Variants in SPAG16 observed in about 807,000 individuals in gnomAD.
SPAG16 encodes sperm associated antigen 16.
SPAG16 carries 86 observed loss-of-function variants against 80.4 expected under a neutral mutation model. The observed-to-expected ratio is 1.07, with a 90% confidence interval of 0.90 to 1.28. The LOEUF is 1.28. Among genes scored for constraint, SPAG16 ranks in the 50% most tolerant of loss-of-function variants. The pLI is 0.00. For synonymous variants in SPAG16, 294 were observed against 265.9 expected (o/e 1.11, Z -1.03); for missense variants, 870 against 765.3 (o/e 1.14, Z -1.61).
At chr2:214,177,971 G>GTATATATATATATATA (rs34460783) in intron 15 of SPAG16, among the ~76,000 whole-genome samples, 1 of 59,352 alleles carries the variant, frequency 1.7e-5, no homozygotes, top group Non-Finnish European at 3.2e-5. Flanking sequence ...CAAAGTGTAT[G>GTATATATATATATATA]TATATATATA....
chr2:213,389,809 G>T (rs1287495557), intron 9 of SPAG16, among the ~76,000 whole-genome samples: 1 of 152,064 alleles, frequency 6.6e-6, no homozygotes, highest in Non-Finnish European at 1.5e-5. Context: ...TAGTCACTAT[G>T]GGAAAACAGT....
chr2:214,009,664 T>C lies in SPAG16; in HGVS notation c.1401-4287T>C, dbSNP rs118125176. ...ATAGAGCCTGTGATGCTACGGGTAT[T>C]GCAACATACTACATACATCTGTACT... is the stretch of plus-strand genomic sequence containing the variant. On this transcript the variant is annotated intron_variant, in intron 12 of 15. Coordinates refer to ENST00000331683, the MANE Select transcript of SPAG16 (RefSeq NM_024532.5). Among the ~76,000 whole-genome samples the C allele has an allele frequency of 1.7e-4, 26 of 152,296 alleles. No individual in the cohort carries two copies. In the East Asian group the frequency reaches 4.2e-3, roughly 25 times the overall value.
intron 15 of SPAG16, among the ~76,000 whole-genome samples, chr2:214,388,956 G>A (rs920020959): frequency 6.6e-6 from 1 of 152,090 alleles, no homozygotes; most frequent in Admixed American, 6.5e-5. Context: ...AAGCGAGAAC[G>A]TAAAAGCTCA....
At chr2:214,386,632 C>CAGAT (rs1193515893) in intron 15 of SPAG16, among the ~76,000 whole-genome samples, 4 of 152,014 alleles carry the variant, frequency 2.6e-5, no homozygotes, top group East Asian at 1.9e-4. Context: ...GAGGCTGCGG[C>CAGAT]AGATAGAGCA....
At chr2:213,370,001 G>T (rs1245664659) in intron 8 of SPAG16, among the ~76,000 whole-genome samples, 1 of 152,184 alleles carries the variant, frequency 6.6e-6, no homozygotes, top group Admixed American at 6.5e-5. Flanking sequence ...ACATTATAGT[G>T]TCATACAGAG....
intron 10 of SPAG16, among the ~76,000 whole-genome samples, chr2:213,858,052 T>C (rs985052956): frequency 1.3e-5 from 2 of 152,210 alleles, no homozygotes; most frequent in East Asian, 3.8e-4. Flanking sequence ...TTGCTTCTTA[T>C]TGATGAGCAA....
intron 15 of SPAG16, among the ~76,000 whole-genome samples, chr2:214,206,173 T>C (rs772289185): frequency 5.3e-5 from 8 of 150,716 alleles, no homozygotes; most frequent in Non-Finnish European, 1.0e-4. Context: ...AGTGACACTC[T>C]GTCTCAAAAA....
intron 10 of SPAG16, among the ~76,000 whole-genome samples, chr2:213,793,403 TAA>T (rs1276487466): frequency 3.9e-5 from 6 of 152,154 alleles, no homozygotes; most frequent in Admixed American, 2.6e-4. Context: ...CAAAAAATTT[TAA>T]AAGAGTTATA....
chr2:214,042,070 GTTTTCT>G (rs1213496189), intron 13 of SPAG16, among the ~76,000 whole-genome samples: 10 of 145,132 alleles, frequency 6.9e-5, no homozygotes, highest in South Asian at 6.5e-4. Flanking sequence ...TCAGCTGGAA[GTTTTCT>G]TTTTCTTTTT....
chr2:213,613,468 C>T (rs949573240), intron 10 of SPAG16, among the ~76,000 whole-genome samples: 9 of 152,168 alleles, frequency 5.9e-5, no homozygotes, highest in African/African-American at 2.2e-4. Context: ...TAGGTAATTC[C>T]ATTCTCAGGG....
chr2:213,728,785 G>A lies in SPAG16; in HGVS notation c.1071-133700G>A, dbSNP rs368748497. 4.5e-4 allele frequency among the ~76,000 whole-genome samples: 68 copies of A among 150,264 alleles called. 1 individual carries two copies. In the South Asian group the frequency reaches 0.014, roughly 31 times the overall value. Reference sequence around the variant, plus strand: ...CCAGCTGCTCGGCAGGCTGAGGCAGGAGAATGGCACGAACTCGGGAGGCAG... The same window carrying A: ...CCAGCTGCTCGGCAGGCTGAGGCAGAAGAATGGCACGAACTCGGGAGGCAG... On this transcript the variant is annotated intron_variant, in intron 10 of 15. Transcript: ENST00000331683.
chr2:213,976,140 A>G, intron 12 of SPAG16, among the ~76,000 whole-genome samples: 1 of 85,346 alleles, frequency 1.2e-5, no homozygotes, highest in Admixed American at 1.4e-4. Flanking sequence ...ATATATACAC[A>G]CACACACACA....
At chr2:213,950,997 C>T (rs1356569151) in intron 12 of SPAG16, among the ~76,000 whole-genome samples, 1 of 148,940 alleles carries the variant, frequency 6.7e-6, no homozygotes, top group East Asian at 2.0e-4. Flanking sequence ...CAGGTGTAAG[C>T]CACCACGCCT....
intron 11 of SPAG16, among the ~76,000 whole-genome samples, chr2:213,886,989 T>A (rs1454996599): frequency 6.6e-6 from 1 of 152,112 alleles, no homozygotes; most frequent in Non-Finnish European, 1.5e-5. Flanking sequence ...TTGGAAGAAA[T>A]GTTATAAAAG....
chr2:213,860,088 A>G (rs1427353), intron 10 of SPAG16, among the ~76,000 whole-genome samples: 52,064 of 151,656 alleles, frequency 0.34, 9,390 homozygotes, highest in South Asian at 0.47. Context: ...TCTGGTCCAT[A>G]GCCCTTAAAC....
intron 1 of SPAG16, among the ~76,000 whole-genome samples, chr2:213,288,515 G>C (rs989598623): frequency 7.3e-5 from 11 of 149,670 alleles, no homozygotes; most frequent in African/African-American, 2.7e-4. Flanking sequence ...GTTTCACTGT[G>C]TTAGCCAGGA....
At chr2:213,448,836 T>C (rs963028719) in intron 9 of SPAG16, among the ~76,000 whole-genome samples, 13 of 152,140 alleles carry the variant, frequency 8.5e-5, no homozygotes, top group Admixed American at 5.9e-4. Context: ...TACAAATTGA[T>C]TGTAAAACAT....
intron 13 of SPAG16, among the ~76,000 whole-genome samples, chr2:214,081,603 A>G (rs2051398711): frequency 6.6e-6 from 1 of 152,150 alleles, no homozygotes; most frequent in Non-Finnish European, 1.5e-5. Context: ...GAGACATAAC[A>G]TTCTCCCTCA....
intron 15 of SPAG16, among the ~76,000 whole-genome samples, chr2:214,330,202 GGGAGGT>G (rs1488352577): frequency 6.6e-5 from 10 of 151,490 alleles, no homozygotes; most frequent in African/African-American, 2.4e-4. Flanking sequence ...GCTTGAACCC[GGGAGGT>G]GGAGGTGGCA....
Sources: gnomAD v4.1 joint callset for allele counts (sites outside exome capture counted in the v4.1 genomes callset) on GRCh38, gnomAD v4.1.1 for gene constraint, MANE v1.5 for transcripts, NCBI Gene and HGNC (gene_info 2026-07-23, HGNC 2026-07-21) for gene names.